ATM: variants seen among roughly 807,000 people sequenced by gnomAD.
ATM encodes ATM serine/threonine kinase, also known as serine-protein kinase ATM.
A neutral mutation model predicts 387.0 loss-of-function variants in ATM; 308 were observed. The observed-to-expected ratio is 0.80, with a 90% CI of 0.73 to 0.87. The LOEUF (loss-of-function observed/expected upper bound fraction) is 0.87. Among genes scored for constraint, ATM ranks in the 40% least tolerant of loss-of-function variants. The pLI, the probability that ATM is intolerant of heterozygous loss-of-function variation, is 0.00. For missense variants in ATM, 3,312 were observed against 3,560.9 expected (o/e 0.93, Z 1.78); for synonymous variants, 1,156 against 1,187.3 (o/e 0.97, Z 0.54).
chr11:108,243,862 T>C, intron 5 of ATM, 91 bp from the exon 6 acceptor site: 1 of 1,194,688 alleles, frequency 8.4e-7, no homozygotes, highest in Non-Finnish European at 1.2e-6. Flanking sequence ...TTTTTCTGTA[T>C]GGGATTATGG....
intron 35 of ATM, 68 bp downstream of exon 35, chr11:108,301,857 AT>A: frequency 6.5e-7 from 1 of 1,540,818 alleles, no homozygotes. Context: ...GCTGTGGGTC[AT>A]GACTGTTAAA....
At chr11:108,255,057 A>G (rs1036686335) in intron 13 of ATM, among the ~76,000 whole-genome samples, 3 of 152,226 alleles carry the variant, frequency 2.0e-5, no homozygotes, top group African/African-American at 7.2e-5. Context: ...GTATACAAAT[A>G]TCTCTTGAAC....
rs757876932 is a variant in ATM at position 108,345,871 on chromosome 11, A to G, written c.8547A>G (p.Arg2849=). 1 of 1,613,864 alleles carries G rather than the reference A, an allele frequency of 6.2e-7. No individual in the cohort carries two copies. The highest frequency in any genetic ancestry group is 8.5e-7 in the Non-Finnish European group (1 of 1,179,852). The change falls in exon 58 of 63, where the codon CGA becomes CGG. Residue 2849 remains arginine (R), a synonymous_variant. Transcript: ENST00000675843. ...FLDPAIWFEK[R]LAYTRSVATS... is the part of the protein sequence containing the mutation. ...ATCCAGCTATTTGGTTTGAGAAGCG[A>G]TTGGCTTATACGCGCAGTGTAGCTA...
rs769731317 is a variant in ATM at position 108,244,797 on chromosome 11, G to T, written c.672G>T (p.Lys224Asn). 3.1e-6 allele frequency: 5 copies of T among 1,613,044 alleles called. No homozygotes were observed. Among genetic ancestry groups the T allele is most frequent in the Admixed American group, 1.7e-5 (1 of 59,980 alleles). Reference sequence around the variant, plus strand: ...GTTTGTTTCTTCACAGACAAGAAAAGAGCTCTTCAGGTCTAAATCATATCT... The same window carrying T: ...GTTTGTTTCTTCACAGACAAGAAAATAGCTCTTCAGGTCTAAATCATATCT... ...SKAIQCARQE[K>N]SSSGLNHILA... The change falls in exon 7 of 63, where the codon AAG becomes AAT. Residue 224 changes from lysine (K) to asparagine (N), a missense_variant. Physicochemically the swap from Lys to Asn is moderately conservative, Grantham distance 94. This residue lies in a region of ATM where 1,791 missense variants were observed against 1,804.5 expected (regional missense o/e 0.99). Transcript: ENST00000675843.
intron 61 of ATM, among the ~76,000 whole-genome samples, chr11:108,364,693 C>T (rs1395483848): frequency 6.6e-6 from 1 of 152,158 alleles, no homozygotes; most frequent in Non-Finnish European, 1.5e-5. Flanking sequence ...CTCCAGTTCC[C>T]ACATCCCAAT....
chr11:108,309,009 T>C lies in ATM; in HGVS notation c.5762+1025T>C, dbSNP rs4988065. On this transcript the variant is annotated intron_variant, in intron 38 of 62. Coordinates refer to ENST00000675843, the MANE Select transcript of ATM (RefSeq NM_000051.4). ...AGAATGGTGTTGACATTAGCAGGAGTTGGAGAAGATAAAAATTCTTCATAT... is the reference window on the plus strand; with the variant it reads ...AGAATGGTGTTGACATTAGCAGGAGCTGGAGAAGATAAAAATTCTTCATAT... 8.5e-4 allele frequency: 1,301 copies of C among 1,528,390 alleles called. 30 individuals are homozygous for C. In the South Asian group the frequency reaches 0.015, roughly 17 times the overall value. The allele number at this position is 1,528,390 out of a possible 1,614,324, so 94.7% of individuals were successfully genotyped here.
chr11:108,225,129 A>T (rs1211615491), intron 1 of ATM: 1 of 152,206 alleles, frequency 6.6e-6, no homozygotes, highest in African/African-American at 2.4e-5. Context: ...AAGGTGCCAA[A>T]CCTTATGGTT....
chr11:108,335,783 G>T, intron 55 of ATM, 62 bp from the exon 56 acceptor site: 3 of 1,352,586 alleles, frequency 2.2e-6, no homozygotes, highest in East Asian at 2.4e-5. Flanking sequence ...ATTCTCAGAT[G>T]ACTCTGTGTT....
intron 16 of ATM, among the ~76,000 whole-genome samples, chr11:108,260,642 A>G (rs2080809040): frequency 6.6e-6 from 1 of 152,206 alleles, no homozygotes. Context: ...AGGAGCCAAG[A>G]TGGCCGAATA....
chr11:108,321,431 C>T lies in ATM; in HGVS notation c.6572+11C>T, dbSNP rs368049107. The T allele has an allele frequency of 8.2e-5, 132 of 1,613,760 alleles. No homozygotes were observed. Among genetic ancestry groups the T allele is most frequent in the Admixed American group, 1.8e-4 (11 of 59,982 alleles). On this transcript the variant is annotated intron_variant, in intron 45 of 62. Transcript: ENST00000675843. ...GGAGCTTTTCTCAAGGTATGTAATT[C>T]GTATGACTTTGTTATCCTAAAGTGC...
chr11:108,359,928 G>T (rs1332590502), intron 61 of ATM, among the ~76,000 whole-genome samples: 1 of 151,976 alleles, frequency 6.6e-6, no homozygotes, highest in African/African-American at 2.4e-5. Flanking sequence ...TTAGCAGAAG[G>T]CAAGAAATAA....
chr11:108,362,445 C>G (rs900700079), intron 61 of ATM, among the ~76,000 whole-genome samples: 5 of 151,678 alleles, frequency 3.3e-5, no homozygotes, highest in South Asian at 2.1e-4. Context: ...CATCCCATTA[C>G]TGGGTATATA....
rs751932227 is a variant in ATM at position 108,366,198 on chromosome 11, T to C, written c.*690T>C. On this transcript the variant is annotated 3_prime_UTR_variant, in exon 63 of 63. Transcript: ENST00000675843. ...ACTTCTCATTCTATTCTCTTTATCT[T>C]TTAAGCCCTTCTGTACTGTCCATGT... The C allele has an allele frequency of 3.1e-5, 6 of 195,274 alleles. No homozygotes were observed. The highest frequency in any genetic ancestry group is 6.4e-5 in the Non-Finnish European group (6 of 94,008). 12.1% of individuals were successfully genotyped at this position (195,274 alleles called of 1,614,324 possible). A position where few individuals can be genotyped will look rare whatever the true frequency, so the allele number is the denominator to read the frequency against.
At chr11:108,287,816 C>A in intron 27 of ATM, 101 bp downstream of exon 27, 1 of 835,428 alleles carries the variant, frequency 1.2e-6, no homozygotes, top group Non-Finnish European at 1.9e-6. Context: ...TTATAGACAT[C>A]ACTCTTTTTA....
At chr11:108,258,646 A>G (rs2080661558) in intron 15 of ATM, among the ~76,000 whole-genome samples, 1 of 152,188 alleles carries the variant, frequency 6.6e-6, no homozygotes. Context: ...ATGGCCATAT[A>G]GCAATATTAT....
intron 43 of ATM, among the ~76,000 whole-genome samples, chr11:108,317,800 T>C (rs2084878257): frequency 6.6e-6 from 1 of 151,406 alleles, no homozygotes. Flanking sequence ...AAGCAGTTAA[T>C]GCACCTAGGC....
At position 108,227,770 on chromosome 11, in the gene ATM, T is replaced by A. The variant is rs1256804899; in HGVS notation, c.73-6T>A. ...TAACCCATTATTATTTCCTTTTTAT[T>A]TTCAGAAAGAAGTTGAGAAATTTAA... On this transcript the variant is annotated splice_region_variant and splice_polypyrimidine_tract_variant and intron_variant, in intron 2 of 62. Transcript: ENST00000675843. 2 of 1,613,478 alleles carry A rather than the reference T, an allele frequency of 1.2e-6. No homozygotes were observed. Among genetic ancestry groups the A allele is most frequent in the South Asian group, 2.2e-5 (2 of 91,050 alleles).
chr11:108,273,331 CTTTTT>C (rs563140198), intron 22 of ATM, among the ~76,000 whole-genome samples: 48 of 80,656 alleles, frequency 6.0e-4, no homozygotes, highest in African/African-American at 2.6e-3. Flanking sequence ...TAATTTCATT[CTTTTT>C]TTTTTTTTTT....
chr11:108,355,361 C>CT (rs1304815149), intron 61 of ATM: 1 of 178,968 alleles, frequency 5.6e-6, no homozygotes, highest in Non-Finnish European at 1.2e-5. Flanking sequence ...TCTCTGCTGT[C>CT]TTAACTTTGG....
Sources: allele counts gnomAD v4.1 joint callset (sites outside exome capture counted in the v4.1 genomes callset), GRCh38; gene constraint gnomAD v4.1.1; regional missense constraint gnomAD v4.1.1; transcripts MANE v1.5; gene names NCBI Gene and HGNC (gene_info 2026-07-23, HGNC 2026-07-21).